Variants in DSCAML1 observed in about 807,000 individuals in gnomAD.
DSCAML1 encodes the protein cell adhesion molecule DSCAML1.
A neutral mutation model predicts 200.5 loss-of-function variants in DSCAML1; 38 were observed. The observed-to-expected ratio is 0.19, with a 90% CI of 0.15 to 0.25. The LOEUF (loss-of-function observed/expected upper bound fraction) is 0.25. Among genes scored for constraint, DSCAML1 ranks in the 10% least tolerant of loss-of-function variants. The pLI is 1.00. For synonymous variants in DSCAML1, 1,215 were observed against 1,165.0 expected (o/e 1.04, Z -0.87); for missense variants, 2,223 against 2,858.8 (o/e 0.78, Z 5.07).
At chr11:117,621,209 T>C (rs970135350) in intron 3 of DSCAML1, among the ~76,000 whole-genome samples, 3 of 152,244 alleles carry the variant, frequency 2.0e-5, no homozygotes, top group African/African-American at 7.2e-5. Flanking sequence ...CTGTGCATTG[T>C]CAGGCATGTT....
At position 117,500,758 on chromosome 11, in the gene DSCAML1, T is replaced by C. The variant is rs1450737634; in HGVS notation, c.2359+3087A>G. On this transcript the variant is annotated intron_variant, in intron 11 of 32. Transcript: ENST00000651296. ...GATCAATGGTATAGACACTCCCCATTAGAAGCCAACCACAAACGTCCAATC... is the reference window on the plus strand; with the variant it reads ...GATCAATGGTATAGACACTCCCCATCAGAAGCCAACCACAAACGTCCAATC... Among the ~76,000 whole-genome samples, 3 of 152,220 alleles carry C rather than the reference T, an allele frequency of 2.0e-5. No homozygotes were observed. The East Asian group carries it at 5.8e-4, about 29-fold the overall frequency.
At chr11:117,716,754 T>A (rs1214902619) in intron 3 of DSCAML1, among the ~76,000 whole-genome samples, 1 of 152,218 alleles carries the variant, frequency 6.6e-6, no homozygotes, top group African/African-American at 2.4e-5. Flanking sequence ...TCATGACACA[T>A]TAAAATTACA....
chr11:117,761,091 G>A (rs1165834683), intron 3 of DSCAML1, among the ~76,000 whole-genome samples: 1 of 152,164 alleles, frequency 6.6e-6, no homozygotes, highest in Non-Finnish European at 1.5e-5. Context: ...ATACTCATCC[G>A]ATAAAATGAA....
At chr11:117,477,347 A>C (rs1394543329) in intron 14 of DSCAML1, among the ~76,000 whole-genome samples, 1 of 111,176 alleles carries the variant, frequency 9.0e-6, no homozygotes, top group Non-Finnish European at 1.8e-5. Flanking sequence ...AATGGTTCTG[A>C]AAGTGTGTGT....
chr11:117,680,067 C>T (rs2137691550), intron 3 of DSCAML1, among the ~76,000 whole-genome samples: 1 of 152,328 alleles, frequency 6.6e-6, no homozygotes, highest in East Asian at 1.9e-4. Flanking sequence ...AGTTGCTTGT[C>T]CATCAGTGAA....
upstream of DSCAML1, among the ~76,000 whole-genome samples, chr11:117,799,351 G>T (rs541552593): frequency 2.3e-3 from 343 of 152,304 alleles, 1 homozygote; most frequent in African/African-American, 7.7e-3. Context: ...GCCTGGGGTA[G>T]CGGCACAGCT....
intron 2 of DSCAML1, among the ~76,000 whole-genome samples, chr11:117,779,300 G>T (rs1189924025): frequency 1.3e-5 from 2 of 152,114 alleles, no homozygotes; most frequent in African/African-American, 4.8e-5. Flanking sequence ...TGAGACACCA[G>T]TGTACCCTGG....
chr11:117,524,724 G>A, intron 5 of DSCAML1, 81 bp downstream of exon 5: 2 of 1,484,056 alleles, frequency 1.3e-6, no homozygotes, highest in Non-Finnish European at 1.8e-6. Flanking sequence ...GACAGGTCCA[G>A]CTGTCGGCCA....
intron 14 of DSCAML1, among the ~76,000 whole-genome samples, chr11:117,475,429 C>T (rs1331948429): frequency 1.3e-5 from 2 of 152,162 alleles, no homozygotes; most frequent in East Asian, 3.8e-4. Flanking sequence ...ACCTCCCCAG[C>T]CTTATCTTTC....
intron 3 of DSCAML1, among the ~76,000 whole-genome samples, chr11:117,695,323 T>C (rs1378065714): frequency 6.7e-6 from 1 of 149,428 alleles, no homozygotes. Flanking sequence ...TTCTTTTTTT[T>C]TTTTTTTTTT....
chr11:117,470,867 ACAAG>A (rs75186804), intron 15 of DSCAML1, among the ~76,000 whole-genome samples: 11,907 of 152,246 alleles, frequency 0.078, 669 homozygotes, highest in East Asian at 0.19. Flanking sequence ...ATTGATTAAA[ACAAG>A]CAAGACACGG....
rs751560085 is a variant in DSCAML1, at chr11:117,430,887, A to G, written c.5521T>C (p.Ser1841Pro). The G allele has an allele frequency of 1.2e-6, 2 of 1,613,916 alleles. No homozygotes were observed. The highest frequency in any genetic ancestry group is 1.7e-6 in the Non-Finnish European group (2 of 1,180,008). ...TTGGTGCCTGTGGTCATCTGGTCAG[A>G]GGAACTGTCAGAGATGAAGCACTCG... ...ITECFISDSS[S>P]DQMTTGTNEN... Residue 1841 changes from serine to proline, a missense_variant, in exon 32 of 33, where the codon TCT becomes CCT. By Grantham distance (74) the Ser-to-Pro change is moderately conservative (BLOSUM62 -1). Coordinates refer to ENST00000651296, the MANE Select transcript of DSCAML1 (RefSeq NM_020693.4).
At chr11:117,475,463 T>C (rs1002742650) in intron 14 of DSCAML1, among the ~76,000 whole-genome samples, 2 of 152,184 alleles carry the variant, frequency 1.3e-5, no homozygotes, top group African/African-American at 4.8e-5. Context: ...TCCTCTGAAC[T>C]CTTCCAGCAT....
At chr11:117,450,302 C>T (rs2048260792) in intron 20 of DSCAML1, among the ~76,000 whole-genome samples, 1 of 152,216 alleles carries the variant, frequency 6.6e-6, no homozygotes, top group Non-Finnish European at 1.5e-5. Context: ...GGGCATGGCC[C>T]ACCTGACTCA....
At chr11:117,567,176 C>G (rs1344400463) in intron 3 of DSCAML1, among the ~76,000 whole-genome samples, 1 of 152,218 alleles carries the variant, frequency 6.6e-6, no homozygotes, top group Admixed American at 6.5e-5. Flanking sequence ...AATGGTTGAA[C>G]TAGTTTACGG....
chr11:117,630,623 G>A (rs11216476), intron 3 of DSCAML1, among the ~76,000 whole-genome samples: 8 of 115,558 alleles, frequency 6.9e-5, no homozygotes, highest in African/African-American at 1.7e-4. Context: ...GTGTAGTCCC[G>A]TCTTACAGAT....
intron 3 of DSCAML1, among the ~76,000 whole-genome samples, chr11:117,606,403 C>T (rs1003183298): frequency 1.4e-4 from 21 of 152,186 alleles, no homozygotes; most frequent in Non-Finnish European, 8.8e-5. Context: ...CTTCCTGCTC[C>T]GCTTGTGAAT....
chr11:117,511,609 A>G (rs1479673782), intron 8 of DSCAML1, among the ~76,000 whole-genome samples: 4 of 152,178 alleles, frequency 2.6e-5, no homozygotes, highest in Admixed American at 2.6e-4. Flanking sequence ...CTCCACTGCC[A>G]GCCAGTGTCA....
At chr11:117,809,734 C>G (rs565954226) in intron 1 of DSCAML1, among the ~76,000 whole-genome samples, 14 of 152,304 alleles carry the variant, frequency 9.2e-5, no homozygotes, top group African/African-American at 3.4e-4. Context: ...TGAATCGCCG[C>G]GCAGCGCTCC....
Sources: gnomAD v4.1 joint callset for allele counts (sites outside exome capture counted in the v4.1 genomes callset) on GRCh38, gnomAD v4.1.1 for gene constraint, MANE v1.5 for transcripts, NCBI Gene and HGNC (gene_info 2026-07-23, HGNC 2026-07-21) for gene names.